Variants in CTNNA3 observed in about 807,000 individuals in gnomAD.
CTNNA3 encodes the protein catenin alpha-3.
CTNNA3 carries 76 observed loss-of-function variants against 95.7 expected under a neutral mutation model. The ratio of observed to expected loss-of-function variants is 0.79; its 90% CI spans 0.66 to 0.96. CTNNA3 has a LOEUF of 0.96. Among genes scored for constraint, CTNNA3 ranks in the 40% least tolerant of loss-of-function variants. The pLI, the probability that CTNNA3 is intolerant of heterozygous loss-of-function variation, is 0.00. For missense variants in CTNNA3, 1,191 were observed against 1,089.8 expected (o/e 1.09, Z -1.31); for synonymous variants, 431 against 374.4 (o/e 1.15, Z -1.74).
intron 11 of CTNNA3, among the ~76,000 whole-genome samples, chr10:66,464,320 T>A (rs118100140): frequency 0.036 from 5,483 of 152,258 alleles, 136 homozygotes; most frequent in Middle Eastern, 0.058. Flanking sequence ...GGTTTAATGC[T>A]ACTGGATCAA....
intron 14 of CTNNA3, among the ~76,000 whole-genome samples, chr10:66,083,041 T>C (rs575176930): frequency 6.6e-6 from 1 of 152,042 alleles, no homozygotes; most frequent in East Asian, 1.9e-4. Flanking sequence ...ACTATTTTTT[T>C]TTCTCTTTGC....
In CTNNA3 at chr10:66,189,600, T is replaced by TTATATATATATATATATATA. The variant is rs539638553; in HGVS notation, c.1885-86352_1885-86351insTATATATATATATATATATA. 7.0e-3 allele frequency among the ~76,000 whole-genome samples: 627 copies of TTATATATATATATATATATA among 89,108 alleles called. 25 individuals are homozygous for TTATATATATATATATATATA. Among genetic ancestry groups the TTATATATATATATATATATA allele is most frequent in the African/African-American group, 0.026 (552 of 21,352 alleles). 58.5% of individuals were successfully genotyped at this position (89,108 alleles called of 152,430 possible). ...CCATACTGTTTTAGTTACTATAGAT[T>TTATATATATATATATATATA]TATATATATATATATATACACACAT... On this transcript the variant is annotated intron_variant, in intron 13 of 17. Coordinates refer to ENST00000433211, the MANE Select transcript of CTNNA3 (RefSeq NM_013266.4).
intron 15 of CTNNA3, among the ~76,000 whole-genome samples, chr10:66,038,161 CCATGTATAAAA>C (rs1328035815): frequency 6.6e-6 from 1 of 152,114 alleles, no homozygotes; most frequent in Non-Finnish European, 1.5e-5. Context: ...TATATGTAAC[CCATGTATAAAA>C]CATGGTATGG....
In CTNNA3 at chr10:66,592,641, T is replaced by C. The variant is rs528552895; in HGVS notation, c.1374+29051A>G. Among the ~76,000 whole-genome samples the C allele has an allele frequency of 2.0e-5, 3 of 152,214 alleles. No homozygotes were observed. In the South Asian group the frequency reaches 6.2e-4, roughly 32 times the overall value. On this transcript the variant is annotated intron_variant, in intron 10 of 17. Coordinates refer to ENST00000433211, the MANE Select transcript of CTNNA3 (RefSeq NM_013266.4). ...CAAAAGCTGAGACACAGAAATATAATTGGTAAATTTAAAAGATGAAGGGAT... is the reference window on the plus strand; with the variant it reads ...CAAAAGCTGAGACACAGAAATATAACTGGTAAATTTAAAAGATGAAGGGAT...
intron 9 of CTNNA3, among the ~76,000 whole-genome samples, chr10:66,640,586 T>C (rs1226892957): frequency 1.3e-5 from 2 of 152,172 alleles, no homozygotes; most frequent in African/African-American, 2.4e-5. Flanking sequence ...ATCTTCAGGA[T>C]AGAACTATCC....
At chr10:66,222,284 C>T (rs1383943375) in intron 13 of CTNNA3, among the ~76,000 whole-genome samples, 4 of 152,130 alleles carry the variant, frequency 2.6e-5, no homozygotes, top group African/African-American at 7.2e-5. Flanking sequence ...CCCTACACAG[C>T]GTATAACCAG....
intron 11 of CTNNA3, among the ~76,000 whole-genome samples, chr10:66,400,465 C>T (rs2093011769): frequency 6.6e-6 from 1 of 151,960 alleles, no homozygotes. Flanking sequence ...TCAATATACC[C>T]ACACTAAGCA....
At chr10:66,853,711 G>T (rs976136842) in intron 7 of CTNNA3, among the ~76,000 whole-genome samples, 1 of 152,028 alleles carries the variant, frequency 6.6e-6, no homozygotes, top group Non-Finnish European at 1.5e-5. Context: ...CTAAACAAAT[G>T]TTAAGACAAA....
intron 5 of CTNNA3, among the ~76,000 whole-genome samples, chr10:67,354,800 C>A (rs1358575340): frequency 6.6e-6 from 1 of 151,846 alleles, no homozygotes; most frequent in African/African-American, 2.4e-5. Flanking sequence ...ATGGGTAGGT[C>A]CCATTTAATT....
intron 5 of CTNNA3, among the ~76,000 whole-genome samples, chr10:67,518,099 G>C (rs963755185): frequency 6.6e-6 from 1 of 151,910 alleles, no homozygotes; most frequent in Non-Finnish European, 1.5e-5. Flanking sequence ...TTATTTTTCC[G>C]ATGCTTTTTA....
At chr10:67,140,607 G>A (rs901636709) in intron 7 of CTNNA3, among the ~76,000 whole-genome samples, 7 of 152,114 alleles carry the variant, frequency 4.6e-5, no homozygotes, top group Non-Finnish European at 1.0e-4. Context: ...TAATTTAAAA[G>A]ACAGCTAAAA....
At chr10:66,828,274 A>T (rs986075945) in intron 7 of CTNNA3, among the ~76,000 whole-genome samples, 4 of 152,230 alleles carry the variant, frequency 2.6e-5, no homozygotes, top group Non-Finnish European at 5.9e-5. Flanking sequence ...TGAATAGCAG[A>T]CTCAGCATAG....
intron 9 of CTNNA3, among the ~76,000 whole-genome samples, chr10:66,715,766 C>T (rs1848431024): frequency 6.6e-6 from 1 of 151,920 alleles, no homozygotes; most frequent in Non-Finnish European, 1.5e-5. Flanking sequence ...TTATATTTCT[C>T]CTCTTTATTT....
At chr10:67,083,316 T>A (rs1857141238) in intron 7 of CTNNA3, among the ~76,000 whole-genome samples, 1 of 151,958 alleles carries the variant, frequency 6.6e-6, no homozygotes, top group South Asian at 2.1e-4. Context: ...GACCAAGCAA[T>A]CAATATAATG....
At chr10:66,884,026 G>A (rs1844943814) in intron 7 of CTNNA3, among the ~76,000 whole-genome samples, 1 of 152,138 alleles carries the variant, frequency 6.6e-6, no homozygotes, top group Non-Finnish European at 1.5e-5. Context: ...GGCAGAAGGT[G>A]AAGGGGAGCT....
At chr10:66,616,877 T>C (rs2132301911) in intron 10 of CTNNA3, among the ~76,000 whole-genome samples, 1 of 152,072 alleles carries the variant, frequency 6.6e-6, no homozygotes, top group South Asian at 2.1e-4. Flanking sequence ...AAAGTAATTA[T>C]ACTGTCTTTT....
chr10:67,021,083 A>G (rs1589614885), intron 7 of CTNNA3, among the ~76,000 whole-genome samples: 1 of 152,306 alleles, frequency 6.6e-6, no homozygotes, highest in South Asian at 2.1e-4. Context: ...TTGATTATAT[A>G]CATTTTGTAA....
chr10:67,367,859 T>A (rs1843273737), intron 5 of CTNNA3, among the ~76,000 whole-genome samples: 1 of 152,134 alleles, frequency 6.6e-6, no homozygotes, highest in South Asian at 2.1e-4. Context: ...TGGATGCACA[T>A]GGGCATAAAA....
intron 12 of CTNNA3, among the ~76,000 whole-genome samples, chr10:66,291,837 A>G (rs2091686207): frequency 6.6e-6 from 1 of 151,494 alleles, no homozygotes; most frequent in African/African-American, 2.4e-5. Context: ...GAACACATAA[A>G]TTATATATAT....
Sources: gnomAD v4.1 joint callset for allele counts (sites outside exome capture counted in the v4.1 genomes callset) on GRCh38, gnomAD v4.1.1 for gene constraint, MANE v1.5 for transcripts, NCBI Gene and HGNC (gene_info 2026-07-23, HGNC 2026-07-21) for gene names.